GNB5: variants seen among roughly 807,000 people sequenced by gnomAD.
GNB5 encodes the protein G protein subunit beta 5.
In GNB5, 37 loss-of-function variants were observed where a neutral mutation model predicts 55.3. The observed-to-expected ratio is 0.67, with a 90% confidence interval of 0.51 to 0.88. The LOEUF is 0.88. Ranked by LOEUF, GNB5 falls within the 40% of genes least tolerant of loss-of-function variation. GNB5 has a pLI of 0.00. For missense variants in GNB5, 476 were observed against 515.3 expected (o/e 0.92, Z 0.74); for synonymous variants, 219 against 198.5 (o/e 1.10, Z -0.87).
intron 7 of GNB5, chr15:52,139,728 G>A (rs1596067798): frequency 1.0e-5 from 11 of 1,078,462 alleles, no homozygotes; most frequent in East Asian, 7.3e-5. Flanking sequence ...CTGCCTCCCA[G>A]GCCGCGTCCC....
intron 5 of GNB5, 21 bp from the exon 6 acceptor site, chr15:52,147,556 A>ACACAACAC (rs773096877): frequency 7.4e-7 from 1 of 1,355,302 alleles, no homozygotes; most frequent in Non-Finnish European, 1.0e-6. Flanking sequence ...GCACAGAGTG[A>ACACAACAC]ACAACTAGCA....
chr15:52,117,102 A>ATATATATATATATATATAT lies in GNB5; in HGVS notation c.*5654_*5655insATATATATATATATATATA. On this transcript the variant is annotated 3_prime_UTR_variant, in exon 13 of 13. Coordinates refer to ENST00000261837, the MANE Select transcript of GNB5 (RefSeq NM_016194.4). ...CCACGCCCAGCTAATATATATATAT[A>ATATATATATATATATATAT]TTTTTTTTTAGTACAGACAGGGTTT... is the stretch of plus-strand genomic sequence containing the variant. The ATATATATATATATATATAT allele has an allele frequency of 1.1e-5, 1 of 87,102 alleles. No homozygotes were observed. Among genetic ancestry groups the ATATATATATATATATATAT allele is most frequent in the Non-Finnish European group, 2.2e-5 (1 of 46,204 alleles). 5.4% of individuals were successfully genotyped at this position (87,102 alleles called of 1,614,324 possible). A position where few individuals can be genotyped will look rare whatever the true frequency, so the allele number is the denominator to read the frequency against.
At chr15:52,171,955 A>G (rs2034561911) in intron 3 of GNB5, among the ~76,000 whole-genome samples, 1 of 152,320 alleles carries the variant, frequency 6.6e-6, no homozygotes. Flanking sequence ...CATCTGCCTC[A>G]AGGACCTGGG....
At chr15:52,158,691 T>G (rs1290080843) in intron 3 of GNB5, among the ~76,000 whole-genome samples, 2 of 151,936 alleles carry the variant, frequency 1.3e-5, no homozygotes, top group Non-Finnish European at 2.9e-5. Flanking sequence ...TTCCCCCTCC[T>G]GGCCCTATCC....
At chr15:52,175,545 C>A (rs1239451064) in intron 3 of GNB5, among the ~76,000 whole-genome samples, 1 of 151,398 alleles carries the variant, frequency 6.6e-6, no homozygotes, top group East Asian at 2.0e-4. Flanking sequence ...TCAAGAACAG[C>A]CCGTCCAACA....
chr15:52,160,123 T>A (rs529475497), intron 3 of GNB5, among the ~76,000 whole-genome samples: 5 of 152,202 alleles, frequency 3.3e-5, no homozygotes, highest in Admixed American at 3.3e-4. Context: ...AATTTTTGTA[T>A]TTTTAGTAGA....
At chr15:52,181,446 T>C (rs757980755) in intron 2 of GNB5, among the ~76,000 whole-genome samples, 13 of 152,080 alleles carry the variant, frequency 8.5e-5, no homozygotes, top group Non-Finnish European at 1.3e-4. Context: ...TGAAACCCTC[T>C]CTCTACTAAA....
chr15:52,137,751 G>A (rs2033758415), intron 7 of GNB5: 4 of 1,197,280 alleles, frequency 3.3e-6, no homozygotes, highest in East Asian at 1.2e-4. Context: ...GGCCCTCATA[G>A]GCCCAGCTGG....
chr15:52,119,015 AAAAG>A lies in GNB5; in HGVS notation c.*3738_*3741del, dbSNP rs1248785094. 7.5e-6 allele frequency: 1 copy of A among 132,982 alleles called. No individual in the cohort carries two copies. Among genetic ancestry groups the A allele is most frequent in the Non-Finnish European group, 1.5e-5 (1 of 66,086 alleles). The allele number at this position is 132,982 out of a possible 1,614,324, so 8.2% of individuals were successfully genotyped here. A position where few individuals can be genotyped will look rare whatever the true frequency, so the allele number is the denominator to read the frequency against. On this transcript the variant is annotated 3_prime_UTR_variant, in exon 13 of 13. Transcript: ENST00000261837. The stretch of plus-strand genomic sequence containing the variant: ...CTATGGATGGGGAGGAGATGGGGAG[AAAAG>A]AAAGAGCTGGGGGAAGGGGAATGGG...
chr15:52,152,874 C>T (rs1453786472), intron 4 of GNB5, among the ~76,000 whole-genome samples: 1 of 152,198 alleles, frequency 6.6e-6, no homozygotes, highest in Non-Finnish European at 1.5e-5. Flanking sequence ...ATCCTCCTGC[C>T]TTGGCCTCCC....
At chr15:52,158,002 T>C (rs1464098453) in intron 3 of GNB5, among the ~76,000 whole-genome samples, 2 of 152,056 alleles carry the variant, frequency 1.3e-5, no homozygotes, top group African/African-American at 2.4e-5. Flanking sequence ...TGGAGGACCA[T>C]TCCTCCAGGA....
intron 7 of GNB5, chr15:52,137,898 C>A (rs1237720359): frequency 1.6e-6 from 2 of 1,286,606 alleles, no homozygotes; most frequent in South Asian, 2.5e-5. Flanking sequence ...GTGGCTCTTG[C>A]AGCATAAGTG....
chr15:52,124,145 C>T (rs1409142911), intron 12 of GNB5, among the ~76,000 whole-genome samples: 1 of 152,036 alleles, frequency 6.6e-6, no homozygotes, highest in Admixed American at 6.5e-5. Flanking sequence ...GACTGGTTAT[C>T]TGTGGTTTGC....
chr15:52,188,948 G>T (rs2034882090), intron 1 of GNB5, among the ~76,000 whole-genome samples: 1 of 152,182 alleles, frequency 6.6e-6, no homozygotes, highest in Non-Finnish European at 1.5e-5. Flanking sequence ...TGCAAATAGG[G>T]CTACTTGCTT....
At chr15:52,172,642 G>A (rs1334113657) in intron 3 of GNB5, among the ~76,000 whole-genome samples, 2 of 152,062 alleles carry the variant, frequency 1.3e-5, no homozygotes, top group African/African-American at 2.4e-5. Context: ...TTAGCCAGGT[G>A]TGGTGGCACA....
chr15:52,140,570 G>C (rs2033829270), intron 7 of GNB5, among the ~76,000 whole-genome samples: 1 of 152,212 alleles, frequency 6.6e-6, no homozygotes, highest in Non-Finnish European at 1.5e-5. Context: ...TGGCAATATG[G>C]GTAGTAGGTA....
intron 6 of GNB5, chr15:52,144,051 A>G (rs1182770272): frequency 6.6e-6 from 1 of 152,310 alleles, no homozygotes; most frequent in East Asian, 1.9e-4. Flanking sequence ...GTGGGGAAAC[A>G]GAGATGACAA....
Position 52,122,323 on chromosome 15 carries a change from A to C in GNB5, c.*434T>G, listed in dbSNP as rs1346037329. Reference sequence around the variant, plus strand: ...CCAGTCACCAGTCCTCAGTCCATAAAATCAGCACTTCCAGAGGAAGGTTCC... The same window carrying C: ...CCAGTCACCAGTCCTCAGTCCATAACATCAGCACTTCCAGAGGAAGGTTCC... On this transcript the variant is annotated 3_prime_UTR_variant, in exon 13 of 13. Coordinates refer to ENST00000261837, the MANE Select transcript of GNB5 (RefSeq NM_016194.4). The C allele has an allele frequency of 6.3e-6, 1 of 159,514 alleles. No homozygotes were observed. Among genetic ancestry groups the C allele is most frequent in the African/African-American group, 2.4e-5 (1 of 41,704 alleles). The allele number at this position is 159,514 out of a possible 1,614,324, so 9.9% of individuals were successfully genotyped here. A position where few individuals can be genotyped will look rare whatever the true frequency, so the allele number is the denominator to read the frequency against.
At chr15:52,172,086 A>C (rs1203339611) in intron 3 of GNB5, among the ~76,000 whole-genome samples, 1 of 152,116 alleles carries the variant, frequency 6.6e-6, no homozygotes, top group Non-Finnish European at 1.5e-5. Context: ...CCTCAGTTTA[A>C]TTTCAAGTTA....
Sources: allele counts gnomAD v4.1 joint callset (sites outside exome capture counted in the v4.1 genomes callset), GRCh38; gene constraint gnomAD v4.1.1; transcripts MANE v1.5; gene names NCBI Gene and HGNC (gene_info 2026-07-23, HGNC 2026-07-21).